Variants in TNN observed in about 807,000 individuals in gnomAD.
The protein encoded by TNN is tenascin N.
A neutral mutation model predicts 134.4 loss-of-function variants in TNN; 122 were observed. The ratio of observed to expected loss-of-function variants is 0.91; its 90% CI spans 0.78 to 1.06. The LOEUF is 1.06. Ranked by LOEUF, TNN falls within the 50% of genes least tolerant of loss-of-function variation. The probability of loss-of-function intolerance (pLI) is 0.00; values close to 1 mark genes in which losing one functional copy is unlikely to be tolerated. For missense variants in TNN, 1,739 were observed against 1,699.4 expected (o/e 1.02, Z -0.41); for synonymous variants, 710 against 670.3 (o/e 1.06, Z -0.91).
chr1:175,140,465 G>T (rs2101853846), intron 17 of TNN, among the ~76,000 whole-genome samples: 1 of 152,342 alleles, frequency 6.6e-6, no homozygotes, highest in African/African-American at 2.4e-5. Flanking sequence ...CTCCCGGGCT[G>T]CACATTTCCT....
intron 13 of TNN, 84 bp from the exon 14 acceptor site, chr1:175,127,948 C>G: frequency 6.6e-7 from 1 of 1,523,062 alleles, no homozygotes; most frequent in Non-Finnish European, 9.1e-7. Context: ...CTGTCATTAG[C>G]ACCAGGGAAC....
At chr1:175,080,049 CT>C in intron 3 of TNN, 113 bp from the exon 4 acceptor site, 1 of 1,430,916 alleles carries the variant, frequency 7.0e-7, no homozygotes, top group Non-Finnish European at 9.5e-7. Flanking sequence ...GGAATGGCGC[CT>C]TACACAGGTC....
At chr1:175,079,207 C>CACA in intron 2 of TNN, 126 bp from the exon 3 acceptor site, 1 of 1,229,250 alleles carries the variant, frequency 8.1e-7, no homozygotes, top group Non-Finnish European at 1.1e-6. Flanking sequence ...GTGCAAGACC[C>CACA]AGAAATCACC....
In TNN at chr1:175,080,380, C is replaced by G; in HGVS notation, c.1002C>G (p.Val334=). Residue 334 remains valine, a synonymous_variant, in exon 4 of 19, where the codon GTC becomes GTG. Transcript: ENST00000239462. Reference sequence around the variant, plus strand: ...AGTACATAGTCACCCTGCGTAACGTCAAGAATGAAGTTTCTAGCAGCCCAC... The same window carrying G: ...AGTACATAGTCACCCTGCGTAACGTGAAGAATGAAGTTTCTAGCAGCCCAC... ...GTKYIVTLRN[V]KNEVSSSPQH... is the part of the protein sequence containing the mutation. 1 of 1,614,100 alleles carries G rather than the reference C, an allele frequency of 6.2e-7. No homozygotes were observed. Among genetic ancestry groups the G allele is most frequent in the Admixed American group, 1.7e-5 (1 of 60,022 alleles).
chr1:175,100,083 C>T (rs1055587564), intron 9 of TNN, among the ~76,000 whole-genome samples: 1 of 152,234 alleles, frequency 6.6e-6, no homozygotes, highest in East Asian at 1.9e-4. Context: ...CCTGTCTTTG[C>T]TCTGTGTCAG....
At chr1:175,117,798 C>T (rs991884013) in intron 10 of TNN, among the ~76,000 whole-genome samples, 1 of 152,126 alleles carries the variant, frequency 6.6e-6, no homozygotes, top group African/African-American at 2.4e-5. Context: ...ATAACAGTTG[C>T]TTAAACAAGA....
At chr1:175,118,890 G>T in intron 11 of TNN, 66 bp downstream of exon 11, 1 of 1,586,604 alleles carries the variant, frequency 6.3e-7, no homozygotes, top group Non-Finnish European at 8.6e-7. Flanking sequence ...GCAGCTGAGT[G>T]ATGATGCAGC....
chr1:175,123,504 T>C lies in TNN; in HGVS notation c.2755T>C (p.Tyr919His). The change falls in exon 12 of 19, where the codon TAC becomes CAC. Residue 919 changes from tyrosine to histidine, a missense_variant. Physicochemically the swap from Tyr to His is moderately conservative, Grantham distance 83. Transcript: ENST00000239462. The stretch of plus-strand genomic sequence containing the variant: ...CACCATTGACAAGTACATGGTGCGC[T>C]ACACCTCTGCTGACGGAGAGACCAG... ...QATIDKYMVR[Y>H]TSADGETREV... 6.2e-7 allele frequency: 1 copy of C among 1,614,120 alleles called. No individual in the cohort carries two copies. Among genetic ancestry groups the C allele is most frequent in the Non-Finnish European group, 8.5e-7 (1 of 1,179,940 alleles).
chr1:175,076,041 C>A (rs1164074571), intron 1 of TNN, among the ~76,000 whole-genome samples: 1 of 152,164 alleles, frequency 6.6e-6, no homozygotes, highest in African/African-American at 2.4e-5. Flanking sequence ...TATGCAAGCC[C>A]AACTGGGATG....
intron 1 of TNN, among the ~76,000 whole-genome samples, chr1:175,069,336 C>G (rs1430174393): frequency 2.6e-5 from 4 of 152,306 alleles, no homozygotes; most frequent in African/African-American, 4.8e-5. Context: ...ATACTGGTAT[C>G]ATTTTTCCAG....
Position 175,069,222 on chromosome 1 carries a change from C to T in TNN, c.-36+1287C>T, listed in dbSNP as rs113158282. Reference sequence around the variant, plus strand: ...CCAAGGCATCAGATGATACCTTGCTCGGTCAGGGCTACGTATTGGCAGCTG... The same window carrying T: ...CCAAGGCATCAGATGATACCTTGCTTGGTCAGGGCTACGTATTGGCAGCTG... On this transcript the variant is annotated intron_variant, in intron 1 of 18. Transcript: ENST00000239462. Among the ~76,000 whole-genome samples the T allele has an allele frequency of 3.1e-3, 469 of 152,284 alleles. 4 individuals carry two copies. The highest frequency in any genetic ancestry group is 0.01 in the African/African-American group (435 of 41,560).
At chr1:175,080,055 C>T (rs1349859658) in intron 3 of TNN, 108 bp from the exon 4 acceptor site, 6 of 1,449,532 alleles carry the variant, frequency 4.1e-6, no homozygotes, top group African/African-American at 2.8e-5. Flanking sequence ...GCGCCTTACA[C>T]AGGTCTGCAT....
chr1:175,072,141 G>A (rs1158232762), intron 1 of TNN, among the ~76,000 whole-genome samples: 1 of 152,168 alleles, frequency 6.6e-6, no homozygotes, highest in Non-Finnish European at 1.5e-5. Context: ...GAAGTAGGGG[G>A]ACCATCCATG....
intron 9 of TNN, among the ~76,000 whole-genome samples, chr1:175,101,183 C>T (rs1674712655): frequency 6.6e-6 from 1 of 151,834 alleles, no homozygotes; most frequent in Admixed American, 6.6e-5. Flanking sequence ...GAGTCTGTCC[C>T]TTGTGATGTT....
At chr1:175,106,758 C>A (rs116200951) in intron 9 of TNN, among the ~76,000 whole-genome samples, 1 of 145,606 alleles carries the variant, frequency 6.9e-6, no homozygotes, top group South Asian at 2.3e-4. Flanking sequence ...CCCGGAGATG[C>A]ATGGCTTTCC....
chr1:175,135,614 A>G (rs958829991), intron 15 of TNN, among the ~76,000 whole-genome samples: 7 of 152,214 alleles, frequency 4.6e-5, no homozygotes, highest in Non-Finnish European at 8.8e-5. Flanking sequence ...GAGGGCAGGA[A>G]CCTTCTCTGC....
Position 175,079,638 on chromosome 1 carries a change from G to C in TNN, c.715G>C (p.Gly239Arg). Residue 239 changes from glycine (G) to arginine (R), a missense_variant, in exon 3 of 19, where the codon GGC becomes CGC. By Grantham distance (125) the Gly-to-Arg change is moderately radical. Coordinates refer to ENST00000239462, the MANE Select transcript of TNN (RefSeq NM_022093.2). ...SEKRCPGDCS[G>R]HGFCDTGECY... ...GAAGCGCTGTCCCGGCGACTGCAGC[G>C]GCCACGGCTTCTGTGACACGGGCGA... 2 of 1,607,806 alleles carry C rather than the reference G, an allele frequency of 1.2e-6. No individual in the cohort carries two copies. The highest frequency in any genetic ancestry group is 1.7e-6 in the Non-Finnish European group (2 of 1,178,202).
intron 16 of TNN, 62 bp from the exon 17 acceptor site, chr1:175,136,759 G>A (rs775935326): frequency 3.1e-5 from 47 of 1,521,338 alleles, no homozygotes; most frequent in African/African-American, 6.9e-5. Context: ...AGACACACAT[G>A]TTGAGTGCTT....
intron 15 of TNN, among the ~76,000 whole-genome samples, chr1:175,133,452 G>A (rs1419376408): frequency 1.3e-5 from 2 of 152,190 alleles, no homozygotes; most frequent in Non-Finnish European, 2.9e-5. Context: ...TCTAGGGATG[G>A]TTTTGGCCTC....
Sources: allele counts gnomAD v4.1 joint callset (sites outside exome capture counted in the v4.1 genomes callset), GRCh38; gene constraint gnomAD v4.1.1; transcripts MANE v1.5; gene names NCBI Gene and HGNC (gene_info 2026-07-23, HGNC 2026-07-21).